Variants in RPGR observed in about 807,000 individuals in gnomAD.
RPGR encodes retinitis pigmentosa GTPase regulator, also known as X-linked retinitis pigmentosa GTPase regulator.
RPGR carries 10 observed loss-of-function variants against 56.3 expected under a neutral mutation model. That is an observed-to-expected ratio of 0.18 (90% CI 0.11 to 0.30). RPGR has a LOEUF of 0.30. Among genes scored for constraint, RPGR ranks in the 10% least tolerant of loss-of-function variants. The probability of loss-of-function intolerance (pLI) is 1.00; values close to 1 mark genes in which losing one functional copy is unlikely to be tolerated. For missense variants in RPGR, 538 were observed against 590.9 expected, an observed-to-expected ratio of 0.91 and a Z score of 0.93; for synonymous variants, 197 against 212.9, an observed-to-expected ratio of 0.93 and a Z score of 0.65.
chrX:38,326,955 G>A (rs1295514528), intron 1 of RPGR: 12 of 159,777 alleles, frequency 7.5e-5, no homozygotes, highest in Non-Finnish European at 1.4e-4. Flanking sequence ...CTACTCGGAG[G>A]CTAAGGCAGG....
intron 6 of RPGR, among the ~76,000 whole-genome samples, chrX:38,313,134 C>A (rs2067753567): frequency 9.0e-6 from 1 of 111,702 alleles, no homozygotes; most frequent in Non-Finnish European, 1.9e-5. Context: ...GATTGTTCTT[C>A]CCTCATCTCT....
intron 3 of RPGR, among the ~76,000 whole-genome samples, chrX:38,322,004 T>C (rs2067950770): frequency 1.8e-5 from 2 of 111,951 alleles, no homozygotes; most frequent in South Asian, 7.4e-4. Flanking sequence ...AGATAAGATA[T>C]TTGAGAGTAA....
At chrX:38,283,911 C>T (rs1194140834) in intron 15 of RPGR, among the ~76,000 whole-genome samples, 1 of 111,391 alleles carries the variant, frequency 9.0e-6, no homozygotes, top group African/African-American at 3.3e-5. Context: ...ATATTTTTAT[C>T]ATAGTATTAA....
intron 18 of RPGR, chrX:38,273,290 CATA>C: frequency 8.9e-6 from 6 of 670,496 alleles, no homozygotes; most frequent in Non-Finnish European, 1.2e-5. Context: ...CATGAAAACT[CATA>C]TTAAGAGAGT....
At chrX:38,300,107 G>A (rs1158607948) in intron 9 of RPGR, among the ~76,000 whole-genome samples, 1 of 110,846 alleles carries the variant, frequency 9.0e-6, no homozygotes, top group Non-Finnish European at 1.9e-5. Context: ...CTGCCACCAC[G>A]CCCAGCTAAT....
chrX:38,326,072 G>A (rs1022489956), intron 1 of RPGR: 3 of 111,863 alleles, frequency 2.7e-5, no homozygotes, highest in African/African-American at 9.8e-5. Flanking sequence ...AATTGAGTTG[G>A]GAGACTAGGA....
intron 7 of RPGR, among the ~76,000 whole-genome samples, chrX:38,309,742 C>T (rs888672910): frequency 9.0e-5 from 10 of 111,160 alleles, no homozygotes; most frequent in Non-Finnish European, 1.7e-4. Context: ...GCAGGAGAAT[C>T]GCTTGAACTC....
intron 11 of RPGR, chrX:38,296,200 A>C (rs1015004744): frequency 1.8e-5 from 2 of 111,149 alleles, no homozygotes; most frequent in Non-Finnish European, 3.8e-5. Flanking sequence ...CTGTAGTCCC[A>C]GCTACTCAGG....
intron 6 of RPGR, among the ~76,000 whole-genome samples, chrX:38,315,058 G>A (rs771781233): frequency 3.6e-5 from 4 of 111,675 alleles, no homozygotes; most frequent in East Asian, 2.8e-4. Flanking sequence ...GGCCAGACGC[G>A]GTGGCTCACA....
chrX:38,314,580 C>T (rs2067782591), intron 6 of RPGR, among the ~76,000 whole-genome samples: 2 of 111,656 alleles, frequency 1.8e-5, no homozygotes, highest in South Asian at 7.4e-4. Flanking sequence ...GGTTAAAATG[C>T]TCAGACCCAA....
intron 17 of RPGR, chrX:38,273,725 T>C (rs1436176020): frequency 3.0e-5 from 8 of 264,911 alleles, no homozygotes; most frequent in East Asian, 1.2e-4. Flanking sequence ...ACAAAGGTAA[T>C]AGTCAATGTT....
chrX:38,298,506 C>A (rs2067438257), intron 10 of RPGR: 1 of 281,034 alleles, frequency 3.6e-6, no homozygotes, highest in Non-Finnish European at 6.6e-6. Flanking sequence ...GATTTCTGAA[C>A]AACATAACAT....
At chrX:38,318,226 G>A (rs1415256118) in intron 5 of RPGR, among the ~76,000 whole-genome samples, 2 of 110,137 alleles carry the variant, frequency 1.8e-5, no homozygotes, top group African/African-American at 3.3e-5. Context: ...CTAACTTAAG[G>A]GCTGACAAAA....
In RPGR at chrX:38,327,209, C is replaced by T. The variant is rs2068065313; in HGVS notation, c.28+131G>A. On this transcript the variant is annotated intron_variant, in intron 1 of 18. Transcript: ENST00000642395. ...CCCTCAGTCATTCGCGGGAGCGCAA[C>T]CAGCGATCCCGCCCCAGTCCGGCTG... The T allele has an allele frequency of 9.4e-6, 6 of 637,361 alleles. No individual in the cohort carries two copies. The East Asian group carries it at 1.1e-4, about 12-fold the overall frequency. 52.5% of individuals were successfully genotyped at this position (637,361 alleles called of 1,213,427 possible). A position where few individuals can be genotyped will look rare whatever the true frequency, so the allele number is the denominator to read the frequency against.
chrX:38,317,410 T>C lies in RPGR; in HGVS notation c.525A>G (p.Lys175=), dbSNP rs1420028420. The C allele has an allele frequency of 8.3e-7, 1 of 1,210,058 alleles. No homozygotes were observed. Among genetic ancestry groups the C allele is most frequent in the African/African-American group, 1.7e-5 (1 of 57,712 alleles). The change falls in exon 6 of 19, where the codon AAA becomes AAG. Residue 175 remains lysine, a synonymous_variant. Transcript: ENST00000642395. ...GAGGGACACAGACATTACTTACATT[T>C]TTTAAACCAATTTGCCCTTCGGAAT...
At chrX:38,291,960 G>A (rs1036730136) in intron 11 of RPGR, among the ~76,000 whole-genome samples, 1 of 111,539 alleles carries the variant, frequency 9.0e-6, no homozygotes, top group African/African-American at 3.3e-5. Context: ...ACTTGTGCTC[G>A]CTCTGGCTCT....
At chrX:38,271,948 A>C (rs1278176499) in intron 18 of RPGR, among the ~76,000 whole-genome samples, 1 of 112,563 alleles carries the variant, frequency 8.9e-6, no homozygotes, top group Non-Finnish European at 1.9e-5. Context: ...TTAAAAGACC[A>C]GATTGATTTG....
chrX:38,269,971 C>A, intron 18 of RPGR: 1 of 473,358 alleles, frequency 2.1e-6, no homozygotes. Flanking sequence ...TACTATGGTG[C>A]ATTCTTAGCA....
intron 1 of RPGR, among the ~76,000 whole-genome samples, chrX:38,324,129 C>T (rs1179856073): frequency 8.9e-6 from 1 of 111,925 alleles, no homozygotes; most frequent in Non-Finnish European, 1.9e-5. Context: ...TGTCACCCAG[C>T]TTGAAGCGCA....
Sources: gnomAD v4.1 joint callset for allele counts (sites outside exome capture counted in the v4.1 genomes callset) on GRCh38, gnomAD v4.1.1 for gene constraint, MANE v1.5 for transcripts, NCBI Gene and HGNC (gene_info 2026-07-23, HGNC 2026-07-21) for gene names.